MTCL1: variants seen among roughly 807,000 people sequenced by gnomAD.
MTCL1 encodes microtubule crosslinking factor 1, also known as microtubule cross-linking factor 1.
MTCL1 carries 79 observed loss-of-function variants against 141.4 expected under a neutral mutation model. The observed-to-expected ratio is 0.56, with a 90% CI of 0.47 to 0.67. The LOEUF (loss-of-function observed/expected upper bound fraction) is 0.67. Ranked by LOEUF, MTCL1 falls within the 30% of genes least tolerant of loss-of-function variation. The pLI is 0.00. For synonymous variants in MTCL1, 914 were observed against 875.8 expected, an observed-to-expected ratio of 1.04 and a Z score of -0.77; for missense variants, 2,177 against 2,113.9, an observed-to-expected ratio of 1.03 and a Z score of -0.59.
chr18:8,791,325 T>C (rs72938104), intron 7 of MTCL1, among the ~76,000 whole-genome samples: 13,695 of 151,932 alleles, frequency 0.09, 782 homozygotes, highest in Non-Finnish European at 0.13. Flanking sequence ...AGGCTTTGAA[T>C]TGATGTTACC....
intron 3 of MTCL1, among the ~76,000 whole-genome samples, chr18:8,719,376 A>C (rs1361070520): frequency 1.3e-5 from 2 of 152,214 alleles, no homozygotes; most frequent in Non-Finnish European, 2.9e-5. Flanking sequence ...GTTATAAACC[A>C]CTGACAAAAT....
At chr18:8,825,232 C>T (rs753803585) in exon 15 of MTCL1, 23 of 1,597,274 alleles carry the variant, frequency 1.4e-5, no homozygotes, top group South Asian at 4.6e-5. Flanking sequence ...TGGCCTTGCA[C>T]CTCCCCCAGG....
chr18:8,709,056 T>C (rs893791824), intron 1 of MTCL1, among the ~76,000 whole-genome samples: 36 of 152,196 alleles, frequency 2.4e-4, no homozygotes, highest in African/African-American at 8.0e-4. Flanking sequence ...CCTGCCCACA[T>C]GTGCAAAATT....
chr18:8,818,866 C>A, intron 12 of MTCL1, 97 bp from the exon 12 acceptor site: 1 of 1,219,334 alleles, frequency 8.2e-7, no homozygotes, highest in Non-Finnish European at 1.2e-6. Flanking sequence ...TTCAAACTGA[C>A]CTATGTGTAA....
chr18:8,761,572 A>G (rs1216870427), intron 4 of MTCL1, among the ~76,000 whole-genome samples: 3 of 152,168 alleles, frequency 2.0e-5, no homozygotes, highest in Admixed American at 6.5e-5. Flanking sequence ...GGTATCTCAT[A>G]TGTATTAGTC....
chr18:8,820,883 TTA>T (rs1467671090), intron 13 of MTCL1, among the ~76,000 whole-genome samples: 9 of 152,228 alleles, frequency 5.9e-5, no homozygotes, highest in Non-Finnish European at 1.0e-4. Context: ...AACCTCGTGT[TTA>T]TGCCGTTCTC....
chr18:8,785,884 G>C (rs936916375), intron 6 of MTCL1, 52 bp from the exon 6 acceptor site: 1 of 1,515,806 alleles, frequency 6.6e-7, no homozygotes, highest in Admixed American at 2.2e-5. Context: ...TTGTTTTTTT[G>C]TTTAAAATTT....
At chr18:8,785,797 T>C in intron 6 of MTCL1, 139 bp from the exon 6 acceptor site, 12 of 1,030,760 alleles carry the variant, frequency 1.2e-5, no homozygotes, top group Non-Finnish European at 1.7e-5. Context: ...TCTTTGGTCG[T>C]TTTCTCAGTC....
At chr18:8,766,032 C>T (rs530875766) in intron 4 of MTCL1, among the ~76,000 whole-genome samples, 2 of 152,230 alleles carry the variant, frequency 1.3e-5, no homozygotes, top group African/African-American at 4.8e-5. Context: ...CTTATGTACC[C>T]ACAGGAGGTC....
In MTCL1 at chr18:8,810,357, C is replaced by T. The variant is rs564157970; in HGVS notation, c.2605-2622C>T. Among the ~76,000 whole-genome samples, 3 of 152,150 alleles carry T rather than the reference C, an allele frequency of 2.0e-5. No homozygotes were observed. The highest frequency in any genetic ancestry group is 2.1e-4 in the South Asian group (1 of 4,810). ...TGACAGTGCAGGGCCACTGATGACA[C>T]GAGGTTCCTCAGTAGGCAGGGGGAT... On this transcript the variant is annotated intron_variant, in intron 11 of 16. Transcript: ENST00000359865. This position sits in a 1 kb window ranked among gnomAD's most constrained non-coding sequence, Gnocchi z 5.0.
exon 6 of MTCL1, chr18:8,783,771 T>C: frequency 6.2e-7 from 1 of 1,612,946 alleles, no homozygotes. Context: ...GAAGCCAACA[T>C]CTTGGGCCGG....
intron 4 of MTCL1, among the ~76,000 whole-genome samples, chr18:8,745,929 A>G (rs1598467679): frequency 6.6e-6 from 1 of 151,890 alleles, no homozygotes; most frequent in Non-Finnish European, 1.5e-5. Flanking sequence ...CCACCATTCT[A>G]TTTTCTACCT....
At chr18:8,825,190 A>G in exon 15 of MTCL1, 2 of 1,583,542 alleles carry the variant, frequency 1.3e-6, no homozygotes, top group Non-Finnish European at 1.7e-6. Flanking sequence ...GGAGACACCA[A>G]GGGAGGCCCT....
intron 14 of MTCL1, 93 bp downstream of exon 13, chr18:8,821,591 T>C: frequency 1.6e-6 from 1 of 618,852 alleles, no homozygotes. Context: ...TTTACCACTC[T>C]CTTCAAAATG....
rs72942350 is a variant in MTCL1, at chr18:8,829,064, G to A, written c.*18+100G>A. On this transcript the variant is annotated intron_variant, in intron 16 of 16. Transcript: ENST00000359865. ...TCATCACCTGAGGGAGTTCTGCCCG[G>A]TGGCGGTACCCTCGCTCACCCCAAG... 1,161 of 1,595,350 alleles carry A rather than the reference G, an allele frequency of 7.3e-4. 1 individual carries two copies. The highest frequency in any genetic ancestry group is 8.9e-4 in the Non-Finnish European group (1,046 of 1,170,482).
chr18:8,803,515 A>G (rs2076192505), intron 10 of MTCL1, among the ~76,000 whole-genome samples: 1 of 152,222 alleles, frequency 6.6e-6, no homozygotes, highest in African/African-American at 2.4e-5. Context: ...ATGCCTATCT[A>G]CGGCCCATTC....
At chr18:8,747,120 G>GC (rs2096343108) in intron 4 of MTCL1, among the ~76,000 whole-genome samples, 1 of 152,210 alleles carries the variant, frequency 6.6e-6, no homozygotes, top group Non-Finnish European at 1.5e-5. Flanking sequence ...CAGGTCCAGA[G>GC]CCCACACCAT....
At position 8,783,706 on chromosome 18, in the gene MTCL1, GC is replaced by G; in HGVS notation, c.600del (p.Ser201AlafsTer7). 6.2e-7 allele frequency: 1 copy of G among 1,607,844 alleles called. No individual in the cohort carries two copies. The highest frequency in any genetic ancestry group is 8.5e-7 in the Non-Finnish European group (1 of 1,177,034). On this transcript the variant is annotated frameshift_variant, in exon 6 of 17. Transcript: ENST00000359865. LOFTEE classifies it high-confidence loss of function. The stretch of plus-strand genomic sequence containing the variant: ...CCCTGCCCACGGGGGAAGCAGGCGG[GC>G]CCCCCAGCACCCGGGAGGCCGAGCT...
exon 15 of MTCL1, chr18:8,825,597 C>T (rs772496984): frequency 2.0e-5 from 33 of 1,613,574 alleles, no homozygotes; most frequent in Non-Finnish European, 2.5e-5. Context: ...GTCTCCTTCC[C>T]GGAGCCTTAG....
Sources: gnomAD v4.1 joint callset for allele counts (sites outside exome capture counted in the v4.1 genomes callset) on GRCh38, gnomAD v4.1.1 for gene constraint, Gnocchi (gnomAD v3.1) non-coding constraint, MANE v1.5 for transcripts, NCBI Gene and HGNC (gene_info 2026-07-23, HGNC 2026-07-21) for gene names.